SLC22A23: variants seen among roughly 807,000 people sequenced by gnomAD.
SLC22A23 encodes the protein solute carrier family 22 member 23.
A neutral mutation model predicts 61.0 loss-of-function variants in SLC22A23; 26 were observed. That is an observed-to-expected ratio of 0.43 (90% confidence interval 0.31 to 0.59). The LOEUF (loss-of-function observed/expected upper bound fraction) is 0.59. SLC22A23 is among the 20% of genes least tolerant of loss of function. The pLI is 0.11. For missense variants in SLC22A23, 796 were observed against 934.7 expected (o/e 0.85, Z 1.94); for synonymous variants, 430 against 413.9 (o/e 1.04, Z -0.47).
intron 3 of SLC22A23, among the ~76,000 whole-genome samples, chr6:3,363,509 C>T (rs372240929): frequency 6.6e-6 from 1 of 152,236 alleles, no homozygotes; most frequent in East Asian, 1.9e-4. Flanking sequence ...GGTTTTGTCC[C>T]CGCCCATGGC....
rs1480775803 is a variant in SLC22A23 at position 3,427,936 on chromosome 6, G to A, written c.655-12081C>T. ...AGGAAGAAGGTCGGCTGCACCCGAGGTGGGGTGAGCCAGGAAGGCTCCCGA... is the reference window on the plus strand; with the variant it reads ...AGGAAGAAGGTCGGCTGCACCCGAGATGGGGTGAGCCAGGAAGGCTCCCGA... On this transcript the variant is annotated intron_variant, in intron 1 of 9. Coordinates refer to ENST00000406686, the MANE Select transcript of SLC22A23 (RefSeq NM_015482.2). This position sits in a 1 kb window ranked among gnomAD's most constrained non-coding sequence, Gnocchi z 4.3. 6.6e-6 allele frequency among the ~76,000 whole-genome samples: 1 copy of A among 152,214 alleles called. No individual in the cohort carries two copies. The highest frequency in any genetic ancestry group is 2.4e-5 in the African/African-American group (1 of 41,446).
intron 4 of SLC22A23, among the ~76,000 whole-genome samples, chr6:3,310,866 T>A (rs1316813194): frequency 1.3e-5 from 2 of 152,216 alleles, no homozygotes; most frequent in Non-Finnish European, 2.9e-5. Context: ...GCACATTTAC[T>A]CATAAAGAAA....
intron 3 of SLC22A23, among the ~76,000 whole-genome samples, chr6:3,341,185 G>C (rs1300294065): frequency 6.6e-6 from 1 of 152,196 alleles, no homozygotes; most frequent in Non-Finnish European, 1.5e-5. Context: ...AAGCTGTTTT[G>C]AGATTCATTG....
At chr6:3,398,523 A>G (rs1768167408) in intron 3 of SLC22A23, among the ~76,000 whole-genome samples, 1 of 151,376 alleles carries the variant, frequency 6.6e-6, no homozygotes, top group Admixed American at 6.6e-5. Flanking sequence ...AAAGAAAATA[A>G]CAGCCCTTAA....
chr6:3,279,065 AAAATG>A (rs1759172179), intron 9 of SLC22A23, among the ~76,000 whole-genome samples: 1 of 152,254 alleles, frequency 6.6e-6, no homozygotes, highest in South Asian at 2.1e-4. Flanking sequence ...TGTGCCAAAT[AAAATG>A]AAATATATTT....
intron 9 of SLC22A23, among the ~76,000 whole-genome samples, chr6:3,279,535 A>AAAAAAAAAAAAAAAAC: frequency 6.8e-6 from 1 of 147,170 alleles, no homozygotes. Flanking sequence ...AAAAAAAAAA[A>AAAAAAAAAAAAAAAAC]ATCCTTGACA....
intron 1 of SLC22A23, among the ~76,000 whole-genome samples, chr6:3,447,865 G>A (rs1396570765): frequency 6.7e-6 from 1 of 148,456 alleles, no homozygotes; most frequent in African/African-American, 2.5e-5. Context: ...TGGGATTACA[G>A]GCATGAGCTA....
chr6:3,402,639 G>T (rs1271190072), intron 3 of SLC22A23, among the ~76,000 whole-genome samples: 1 of 111,000 alleles, frequency 9.0e-6, no homozygotes, highest in African/African-American at 3.7e-5. Flanking sequence ...GCTCTTCTAG[G>T]ATCTAAGCAC....
intron 4 of SLC22A23, among the ~76,000 whole-genome samples, chr6:3,310,667 C>T (rs944281572): frequency 1.2e-4 from 11 of 90,256 alleles, no homozygotes; most frequent in Middle Eastern, 7.1e-3. Flanking sequence ...TGAAACCCTA[C>T]GAGGTTGATC....
chr6:3,417,254 GCCC>G (rs1769785241), intron 1 of SLC22A23, among the ~76,000 whole-genome samples: 1 of 152,166 alleles, frequency 6.6e-6, no homozygotes, highest in Non-Finnish European at 1.5e-5. Flanking sequence ...GCTCGCCGAT[GCCC>G]CCAACACAGG....
rs1308821903 is a variant in SLC22A23 at position 3,271,585 on chromosome 6, C to A, written c.*1470G>T. 6.6e-6 allele frequency: 1 copy of A among 152,334 alleles called. No individual in the cohort carries two copies. Among genetic ancestry groups the A allele is most frequent in the African/African-American group, 2.4e-5 (1 of 41,420 alleles). 9.4% of individuals were successfully genotyped at this position (152,334 alleles called of 1,614,324 possible). ...CACAATTTCCCTGGAAGGACACAGC[C>A]CATGGCAAAGACATGCTTCGAGAAG... is the stretch of plus-strand genomic sequence containing the variant. On this transcript the variant is annotated 3_prime_UTR_variant, in exon 10 of 10. Transcript: ENST00000406686.
intron 5 of SLC22A23, chr6:3,291,699 T>G (rs1047902823): frequency 6.6e-6 from 1 of 152,260 alleles, no homozygotes; most frequent in Non-Finnish European, 1.5e-5. Flanking sequence ...CTTGAAAATA[T>G]CATGGTTAAC....
chr6:3,341,989 G>A (rs1165964517), intron 3 of SLC22A23, among the ~76,000 whole-genome samples: 8 of 152,064 alleles, frequency 5.3e-5, no homozygotes, highest in Non-Finnish European at 1.2e-4. Context: ...CATGGATAGA[G>A]GAAGACATCT....
chr6:3,399,775 C>T (rs770316084), intron 3 of SLC22A23, among the ~76,000 whole-genome samples: 7 of 152,084 alleles, frequency 4.6e-5, no homozygotes, highest in Non-Finnish European at 8.8e-5. Flanking sequence ...CTCAGGGAGT[C>T]GATAGAAGAG....
At chr6:3,373,623 GAGAAGAAGAAGAAAAAAAAGAA>G in intron 3 of SLC22A23, among the ~76,000 whole-genome samples, 1 of 151,542 alleles carries the variant, frequency 6.6e-6, no homozygotes, top group Non-Finnish European at 1.5e-5. Context: ...GGAAGAAAAA[GAGAAGAAGAAGAAAAAAAAGAA>G]AGAAGAAGAA....
chr6:3,358,399 C>A (rs1765240982), intron 3 of SLC22A23, among the ~76,000 whole-genome samples: 1 of 152,050 alleles, frequency 6.6e-6, no homozygotes, highest in Non-Finnish European at 1.5e-5. Context: ...CGCTTAAGAA[C>A]GAATGAAATT....
At chr6:3,326,573 G>C (rs912657931) in intron 3 of SLC22A23, among the ~76,000 whole-genome samples, 39 of 152,288 alleles carry the variant, frequency 2.6e-4, no homozygotes, top group African/African-American at 9.1e-4. Context: ...CACTCCTTCT[G>C]TTTTTGCTAG....
chr6:3,314,850 G>A (rs549212531), intron 4 of SLC22A23, among the ~76,000 whole-genome samples: 254 of 152,118 alleles, frequency 1.7e-3, no homozygotes, highest in African/African-American at 5.3e-3. Flanking sequence ...CACGTCCTCC[G>A]CGCTAGGGTT....
intron 5 of SLC22A23, among the ~76,000 whole-genome samples, chr6:3,296,094 ATGACT>A (rs1470475368): frequency 6.6e-6 from 1 of 152,226 alleles, no homozygotes; most frequent in Non-Finnish European, 1.5e-5. Flanking sequence ...GCAGAGTGTG[ATGACT>A]TAATTAGGGA....
Sources: allele counts gnomAD v4.1 joint callset (sites outside exome capture counted in the v4.1 genomes callset), GRCh38; gene constraint gnomAD v4.1.1; non-coding constraint Gnocchi (gnomAD v3.1); transcripts MANE v1.5; gene names NCBI Gene and HGNC (gene_info 2026-07-23, HGNC 2026-07-21).